Variants in GPC6 observed in about 807,000 individuals in gnomAD.
The protein encoded by GPC6 is glypican 6.
GPC6 carries 14 observed loss-of-function variants against 55.2 expected under a neutral mutation model. That is an observed-to-expected ratio of 0.25 (90% CI 0.17 to 0.40). The LOEUF is 0.40. GPC6 is among the 10% of genes least tolerant of loss of function. GPC6 has a pLI of 1.00. For synonymous variants in GPC6, 278 were observed against 259.6 expected, an observed-to-expected ratio of 1.07 and a Z score of -0.68; for missense variants, 641 against 708.5, an observed-to-expected ratio of 0.90 and a Z score of 1.08.
At chr13:93,729,599 C>T (rs563499767) in intron 2 of GPC6, among the ~76,000 whole-genome samples, 174 of 152,192 alleles carry the variant, frequency 1.1e-3, no homozygotes, top group African/African-American at 4.0e-3. Context: ...GAGGAGCAAC[C>T]GGAATTCTCA....
At chr13:93,949,861 G>A (rs1319196914) in intron 3 of GPC6, among the ~76,000 whole-genome samples, 1 of 151,952 alleles carries the variant, frequency 6.6e-6, no homozygotes, top group African/African-American at 2.4e-5. Context: ...CAAGTAGCTG[G>A]GACTACGACT....
chr13:93,675,769 C>G (rs1195966508), intron 2 of GPC6, among the ~76,000 whole-genome samples: 1 of 152,044 alleles, frequency 6.6e-6, no homozygotes. Flanking sequence ...GTTGATTACT[C>G]CACATAACCA....
At chr13:93,843,006 G>T (rs1360075881) in intron 3 of GPC6, among the ~76,000 whole-genome samples, 2 of 150,352 alleles carry the variant, frequency 1.3e-5, no homozygotes, top group African/African-American at 4.9e-5. Flanking sequence ...GCAAAATTAT[G>T]TGTGCTGTTT....
intron 3 of GPC6, among the ~76,000 whole-genome samples, chr13:93,960,045 C>T (rs1039572068): frequency 9.2e-5 from 14 of 152,184 alleles, no homozygotes. Context: ...TCTCTGTAGA[C>T]TCCACATCTT....
chr13:94,062,543 G>A (rs979861123), intron 4 of GPC6, among the ~76,000 whole-genome samples: 3 of 152,178 alleles, frequency 2.0e-5, no homozygotes, highest in Non-Finnish European at 2.9e-5. Context: ...GAACCACTGC[G>A]CCTGGCCTTA....
intron 3 of GPC6, among the ~76,000 whole-genome samples, chr13:93,987,222 C>G (rs941388441): frequency 6.6e-6 from 1 of 152,166 alleles, no homozygotes. Flanking sequence ...TTATCCTAAA[C>G]AACTCGTTGG....
Position 94,405,046 on chromosome 13 carries a change from T to C in GPC6, c.*1829T>C, listed in dbSNP as rs1881311594. The C allele has an allele frequency of 6.6e-6, 1 of 152,238 alleles. No homozygotes were observed. Among genetic ancestry groups the C allele is most frequent in the Admixed American group, 6.5e-5 (1 of 15,282 alleles). The allele number at this position is 152,238 out of a possible 1,614,324, so 9.4% of individuals were successfully genotyped here. ...ACGTAAATGGTATTTTTCAATCTGTTCTCATCAAAATTAAAATTAGTTATT... is the reference window on the plus strand; with the variant it reads ...ACGTAAATGGTATTTTTCAATCTGTCCTCATCAAAATTAAAATTAGTTATT... On this transcript the variant is annotated 3_prime_UTR_variant, in exon 9 of 9. Coordinates refer to ENST00000377047, the MANE Select transcript of GPC6 (RefSeq NM_005708.5).
At chr13:94,034,290 G>T (rs1035472828) in intron 4 of GPC6, among the ~76,000 whole-genome samples, 9 of 151,776 alleles carry the variant, frequency 5.9e-5, no homozygotes, top group African/African-American at 1.9e-4. Context: ...CCAACAGCCT[G>T]TCGCTGGCTA....
intron 3 of GPC6, among the ~76,000 whole-genome samples, chr13:93,927,223 G>C (rs1269739117): frequency 6.6e-6 from 1 of 152,118 alleles, no homozygotes; most frequent in Non-Finnish European, 1.5e-5. Context: ...GAATTTCATT[G>C]AGTCTCATAA....
intron 2 of GPC6, among the ~76,000 whole-genome samples, chr13:93,662,556 G>A (rs1268811914): frequency 3.3e-5 from 5 of 152,106 alleles, no homozygotes; most frequent in African/African-American, 1.2e-4. Flanking sequence ...TTTGAACCCG[G>A]GAGGCGGAGG....
At chr13:93,349,502 A>G (rs572549288) in intron 1 of GPC6, among the ~76,000 whole-genome samples, 12 of 152,236 alleles carry the variant, frequency 7.9e-5, no homozygotes, top group East Asian at 7.7e-4. Flanking sequence ...TTTTAATATA[A>G]TCTCCGTGTG....
At chr13:93,778,190 A>G (rs1423240245) in intron 2 of GPC6, among the ~76,000 whole-genome samples, 2 of 152,196 alleles carry the variant, frequency 1.3e-5, no homozygotes, top group African/African-American at 4.8e-5. Context: ...AGGGGCACCA[A>G]GAGCTTTGTT....
chr13:93,813,018 G>A (rs1886743087), intron 2 of GPC6, among the ~76,000 whole-genome samples: 1 of 152,106 alleles, frequency 6.6e-6, no homozygotes, highest in African/African-American at 2.4e-5. Flanking sequence ...CTGTGTTTGG[G>A]CATCCATCTC....
chr13:93,945,623 T>C (rs910272576), intron 3 of GPC6, among the ~76,000 whole-genome samples: 17 of 152,200 alleles, frequency 1.1e-4, no homozygotes, highest in Admixed American at 1.0e-3. Context: ...ATTGACCAAG[T>C]TCTGACTGTT....
At chr13:93,523,318 AGAG>A (rs1429288280) in intron 1 of GPC6, among the ~76,000 whole-genome samples, 1 of 149,006 alleles carries the variant, frequency 6.7e-6, no homozygotes, top group Non-Finnish European at 1.5e-5. Flanking sequence ...AATATTTAAA[AGAG>A]GATATATATA....
At chr13:94,320,372 G>C (rs568838656) in intron 6 of GPC6, among the ~76,000 whole-genome samples, 1 of 152,090 alleles carries the variant, frequency 6.6e-6, no homozygotes, top group African/African-American at 2.4e-5. Context: ...GTCTCATCTG[G>C]TATTTCTGCA....
rs1045878880 is a variant in GPC6, at chr13:93,434,785, C to A, written c.161-110478C>A. Among the ~76,000 whole-genome samples the A allele has an allele frequency of 2.0e-5, 3 of 152,168 alleles. No individual in the cohort carries two copies. The East Asian group carries it at 5.8e-4, about 29-fold the overall frequency. On this transcript the variant is annotated intron_variant, in intron 1 of 8. Coordinates refer to ENST00000377047, the MANE Select transcript of GPC6 (RefSeq NM_005708.5). ...GCAGTGGCATGATCTCAGCTCACTG[C>A]AATCCCCACCTCCAGGGTTCAAACT...
At chr13:93,475,541 A>T (rs868408348) in intron 1 of GPC6, among the ~76,000 whole-genome samples, 1 of 152,210 alleles carries the variant, frequency 6.6e-6, no homozygotes, top group Non-Finnish European at 1.5e-5. Context: ...TTGGATGCAC[A>T]GTAAGATGTT....
intron 1 of GPC6, among the ~76,000 whole-genome samples, chr13:93,321,106 A>G (rs1390027297): frequency 6.6e-6 from 1 of 151,950 alleles, no homozygotes; most frequent in East Asian, 1.9e-4. Flanking sequence ...CAGTCTATTT[A>G]AAACTATGAT....
Sources: gnomAD v4.1 joint callset for allele counts (sites outside exome capture counted in the v4.1 genomes callset) on GRCh38, gnomAD v4.1.1 for gene constraint, MANE v1.5 for transcripts, NCBI Gene and HGNC (gene_info 2026-07-23, HGNC 2026-07-21) for gene names.